SCEL: variants seen among roughly 807,000 people sequenced by gnomAD.
The protein encoded by SCEL is sciellin.
A neutral mutation model predicts 117.6 loss-of-function variants in SCEL; 113 were observed. The observed-to-expected ratio is 0.96, with a 90% CI of 0.83 to 1.12. The LOEUF is 1.12. Among genes scored for constraint, SCEL ranks in the 50% most tolerant of loss-of-function variants. The pLI, the probability that SCEL is intolerant of heterozygous loss-of-function variation, is 0.00. For synonymous variants in SCEL, 270 were observed against 256.2 expected (o/e 1.05, Z -0.51); for missense variants, 785 against 810.8 (o/e 0.97, Z 0.39).
In SCEL at chr13:77,607,019, C is replaced by T. The variant is rs150073558; in HGVS notation, c.1158-1037C>T. Among the ~76,000 whole-genome samples, 392 of 152,232 alleles carry T rather than the reference C, an allele frequency of 2.6e-3. 1 individual carries two copies. Among genetic ancestry groups the T allele is most frequent in the African/African-American group, 8.9e-3 (369 of 41,536 alleles). On this transcript the variant is annotated intron_variant, in intron 19 of 32. Transcript: ENST00000349847. Reference sequence around the variant, plus strand: ...TAACAAGAAACTACTAAAATGTTTTCGATGACTGTGTGGAACTTTATTTTA... The same window carrying T: ...TAACAAGAAACTACTAAAATGTTTTTGATGACTGTGTGGAACTTTATTTTA...
chr13:77,605,873 A>C (rs2088131152), intron 19 of SCEL, among the ~76,000 whole-genome samples: 1 of 151,958 alleles, frequency 6.6e-6, no homozygotes, highest in Non-Finnish European at 1.5e-5. Flanking sequence ...GGGCGTCCCA[A>C]CTACTCGGGA....
chr13:77,557,224 A>G (rs1258369581), intron 3 of SCEL, among the ~76,000 whole-genome samples: 1 of 152,220 alleles, frequency 6.6e-6, no homozygotes, highest in African/African-American at 2.4e-5. Flanking sequence ...TTACTTTGTA[A>G]GTACTTACAA....
intron 27 of SCEL, among the ~76,000 whole-genome samples, chr13:77,623,693 C>T (rs1045713729): frequency 1.2e-4 from 19 of 152,276 alleles, no homozygotes; most frequent in African/African-American, 4.6e-4. Context: ...TCTCCTTTCT[C>T]AGATCCAAAC....
In SCEL at chr13:77,599,680, T is replaced by G. The variant is rs748805403; in HGVS notation, c.858-9T>G. 4.4e-6 allele frequency: 7 copies of G among 1,602,230 alleles called. No homozygotes were observed. In the East Asian group the frequency reaches 1.3e-4, roughly 31 times the overall value. ...GCAGCCTTTTATGTGAATTTCTTTG[T>G]GTTTTCAGAGCCAAAAGCCTTGAAA... is the stretch of plus-strand genomic sequence containing the variant. On this transcript the variant is annotated splice_polypyrimidine_tract_variant and intron_variant, in intron 14 of 32. Coordinates refer to ENST00000349847, the MANE Select transcript of SCEL (RefSeq NM_144777.3).
chr13:77,644,380 A>G lies in SCEL; in HGVS notation c.*106A>G. On this transcript the variant is annotated 3_prime_UTR_variant, in exon 33 of 33. Transcript: ENST00000349847. ...AGAAAAGCTTTCACATTGAAGATCA[A>G]CTCTTGTACAAAATTAACAATTCTG... is the stretch of plus-strand genomic sequence containing the variant. The G allele has an allele frequency of 9.0e-7, 1 of 1,109,500 alleles. No individual in the cohort carries two copies. The highest frequency in any genetic ancestry group is 2.0e-5 in the Admixed American group (1 of 49,772). The allele number at this position is 1,109,500 out of a possible 1,614,324, so 68.7% of individuals were successfully genotyped here.
In SCEL at chr13:77,567,705, A is replaced by G; in HGVS notation, c.316A>G (p.Lys106Glu). ...GATCTCAGACAGAAATGATGCTGCT[A>G]AAACATATAAGGCCAATACCTTGGA... ...DRISDRNDAAKTYKANTLDNQ... is the reference protein window; with the variant it reads ...DRISDRNDAAETYKANTLDNQ... Residue 106 changes from lysine to glutamate, a missense_variant, in exon 6 of 33, where the codon AAA becomes GAA. Physicochemically the swap from Lys to Glu is moderately conservative, Grantham distance 56. Transcript: ENST00000349847. 2.5e-6 allele frequency: 4 copies of G among 1,608,608 alleles called. No homozygotes were observed. The highest frequency in any genetic ancestry group is 3.4e-6 in the Non-Finnish European group (4 of 1,177,334).
chr13:77,555,215 G>A (rs983348488), intron 1 of SCEL, among the ~76,000 whole-genome samples: 1 of 152,198 alleles, frequency 6.6e-6, no homozygotes, highest in African/African-American at 2.4e-5. Context: ...AACTGGATCA[G>A]TCCTGGGCAG....
At chr13:77,569,485 A>C in intron 8 of SCEL, 34 bp downstream of exon 8, 1 of 1,514,464 alleles carries the variant, frequency 6.6e-7, no homozygotes, top group South Asian at 1.1e-5. Flanking sequence ...CCTCTTGCTG[A>C]TACACTATGA....
chr13:77,592,623 C>T (rs1186740268), intron 11 of SCEL, among the ~76,000 whole-genome samples: 2 of 144,430 alleles, frequency 1.4e-5, no homozygotes, highest in Admixed American at 1.4e-4. Flanking sequence ...CAGCAGAGAA[C>T]TTATAGCTCA....
Position 77,607,814 on chromosome 13 carries a change from G to A in SCEL, c.1158-242G>A, listed in dbSNP as rs147664730. ...GAATCCTAGTGCAATACTTGCTAGC[G>A]GCCAAATGGCTCTGAGACTAAAATA... is the stretch of plus-strand genomic sequence containing the variant. On this transcript the variant is annotated intron_variant, in intron 19 of 32. Transcript: ENST00000349847. 5.6e-4 allele frequency among the ~76,000 whole-genome samples: 86 copies of A among 152,228 alleles called. 1 individual carries two copies. Among genetic ancestry groups the A allele is most frequent in the Admixed American group, 4.4e-3 (68 of 15,294 alleles).
chr13:77,610,276 C>T (rs1346947628), intron 22 of SCEL, among the ~76,000 whole-genome samples, 170 bp downstream of exon 22: 1 of 151,814 alleles, frequency 6.6e-6, no homozygotes, highest in Non-Finnish European at 1.5e-5. Flanking sequence ...CATGGTGAAA[C>T]CCTGTCTCTA....
intron 13 of SCEL, 91 bp downstream of exon 13, chr13:77,597,680 C>A: frequency 3.4e-6 from 2 of 596,372 alleles, no homozygotes; most frequent in Non-Finnish European, 2.9e-6. Flanking sequence ...GACCCACATA[C>A]CAGGGTAGTC....
chr13:77,613,730 AGTT>A (rs2088833208), intron 23 of SCEL, among the ~76,000 whole-genome samples, 160 bp from the exon 24 acceptor site: 1 of 152,038 alleles, frequency 6.6e-6, no homozygotes, highest in East Asian at 1.9e-4. Flanking sequence ...GATGTCATTG[AGTT>A]GTTGTGAGGA....
chr13:77,640,356 TTC>T (rs1391943094), intron 30 of SCEL, among the ~76,000 whole-genome samples: 3 of 152,214 alleles, frequency 2.0e-5, no homozygotes, highest in Non-Finnish European at 4.4e-5. Context: ...CCTCTAGTAC[TTC>T]TGAGGAGTAC....
chr13:77,554,475 G>T (rs7323078), intron 1 of SCEL, among the ~76,000 whole-genome samples: 3 of 152,000 alleles, frequency 2.0e-5, no homozygotes, highest in African/African-American at 7.3e-5. Context: ...ATAATACGTT[G>T]ACCCAAAGCA....
In SCEL at chr13:77,611,300, G is replaced by A. The variant is rs147333313; in HGVS notation, c.1337+1194G>A. The stretch of plus-strand genomic sequence containing the variant: ...AAAAGCAGGCTGCAAGTTGGATTTA[G>A]CTTGAGGGCCATAGTTTGCTGACCC... On this transcript the variant is annotated intron_variant, in intron 22 of 32. Coordinates refer to ENST00000349847, the MANE Select transcript of SCEL (RefSeq NM_144777.3). 8.8e-3 allele frequency among the ~76,000 whole-genome samples: 1,341 copies of A among 152,264 alleles called. 54 individuals are homozygous for A. The highest frequency in any genetic ancestry group is 0.066 in the Admixed American group (1,007 of 15,286).
chr13:77,539,520 A>G (rs1257352274), intron 1 of SCEL, among the ~76,000 whole-genome samples: 1 of 152,006 alleles, frequency 6.6e-6, no homozygotes, highest in African/African-American at 2.4e-5. Flanking sequence ...TAGAATATTT[A>G]TCTTGGAAAC....
chr13:77,567,252 G>A (rs1252903563), intron 5 of SCEL, among the ~76,000 whole-genome samples: 10 of 152,092 alleles, frequency 6.6e-5, no homozygotes, highest in African/African-American at 1.9e-4. Context: ...TTAGGAGTTC[G>A]AGACCAGTGT....
At chr13:77,595,212 C>T (rs976245616) in intron 12 of SCEL, among the ~76,000 whole-genome samples, 1 of 152,176 alleles carries the variant, frequency 6.6e-6, no homozygotes, top group South Asian at 2.1e-4. Context: ...CAGCCAGGTA[C>T]ATTTATCACA....
Sources: gnomAD v4.1 joint callset for allele counts (sites outside exome capture counted in the v4.1 genomes callset) on GRCh38, gnomAD v4.1.1 for gene constraint, MANE v1.5 for transcripts, NCBI Gene and HGNC (gene_info 2026-07-23, HGNC 2026-07-21) for gene names.